The following DENND10 variants were observed in gnomAD, a reference collection of about 807,000 sequenced individuals.
DENND10 encodes the protein DENN domain containing 10.
DENND10 carries 24 observed loss-of-function variants against 43.6 expected under a neutral mutation model. The observed-to-expected ratio is 0.55, with a 90% CI of 0.40 to 0.77. The LOEUF is 0.77. Among genes scored for constraint, DENND10 ranks in the 30% least tolerant of loss-of-function variants. The pLI is 0.00. For synonymous variants in DENND10, 125 were observed against 157.6 expected, an observed-to-expected ratio of 0.79 and a Z score of 1.55; for missense variants, 303 against 429.9, an observed-to-expected ratio of 0.70 and a Z score of 2.61.
chr10:119,117,430 T>C (rs1845343756), intron 3 of DENND10, 89 bp from the exon 4 acceptor site: 24 of 1,403,712 alleles, frequency 1.7e-5, no homozygotes, highest in Non-Finnish European at 2.2e-5. Flanking sequence ...CTCGGATTCT[T>C]GAGAAGGCAC....
intron 8 of DENND10, chr10:119,133,655 G>A (rs1369570323): frequency 6.6e-6 from 1 of 152,318 alleles, no homozygotes; most frequent in Admixed American, 6.5e-5. Flanking sequence ...AGATCTCTAA[G>A]GAGGTGACAT....
In DENND10 at chr10:119,136,938, C is replaced by T. The variant is rs949180468; in HGVS notation, c.*291C>T. ...GTCCTGGGGTAAGAGAAAAAAAGCA[C>T]ATCACAACAAATGTGAAAGCCTTCA... On this transcript the variant is annotated 3_prime_UTR_variant, in exon 9 of 9. Transcript: ENST00000361432. 4 of 317,306 alleles carry T rather than the reference C, an allele frequency of 1.3e-5. No individual in the cohort carries two copies. The highest frequency in any genetic ancestry group is 6.3e-5 in the East Asian group (1 of 15,878). The allele number at this position is 317,306 out of a possible 1,614,324, so 19.7% of individuals were successfully genotyped here.
chr10:119,132,430 C>A lies in DENND10; in HGVS notation c.803-85C>A. ...ATCAGCTGCTTTTTGAAAATTCCCT[C>A]AGTGTGGTCTTCCAAGTTTTCAGAT... On this transcript the variant is annotated intron_variant, in intron 7 of 8. Transcript: ENST00000361432. This position sits in a 1 kb window ranked among gnomAD's most constrained non-coding sequence, Gnocchi z 4.2. The A allele has an allele frequency of 1.8e-6, 2 of 1,085,394 alleles. No homozygotes were observed. The highest frequency in any genetic ancestry group is 2.8e-6 in the Non-Finnish European group (2 of 703,278). The allele number at this position is 1,085,394 out of a possible 1,614,324, so 67.2% of individuals were successfully genotyped here. A position where few individuals can be genotyped will look rare whatever the true frequency, so the allele number is the denominator to read the frequency against.
intron 3 of DENND10, 46 bp downstream of exon 3, chr10:119,111,974 C>T (rs1165144636): frequency 7.3e-7 from 1 of 1,376,600 alleles, no homozygotes; most frequent in African/African-American, 1.4e-5. Flanking sequence ...AAATGAAGAC[C>T]TTAGTATAGT....
chr10:119,113,929 C>A (rs186742770), intron 3 of DENND10, among the ~76,000 whole-genome samples: 1 of 152,226 alleles, frequency 6.6e-6, no homozygotes, highest in Admixed American at 6.5e-5. Flanking sequence ...TATCCAGAAG[C>A]CATAAACTAA....
chr10:119,120,045 C>T (rs1213064023), intron 4 of DENND10, among the ~76,000 whole-genome samples: 1 of 151,948 alleles, frequency 6.6e-6, no homozygotes, highest in African/African-American at 2.4e-5. Flanking sequence ...GTCAGGAGTT[C>T]GAGATTAGCC....
At position 119,104,129 on chromosome 10, in the gene DENND10, C is replaced by CGCGGCGGCGGAAGATGGCT; in HGVS notation, c.-8_11dup. On this transcript the variant is annotated 5_prime_UTR_variant, in exon 1 of 9. The change creates a new upstream start codon in the 5' untranslated region. Coordinates refer to ENST00000361432, the MANE Select transcript of DENND10 (RefSeq NM_207009.4). ...GCAGGCGGCAGCCAGAGCTGCGCGC[C>CGCGGCGGCGGAAGATGGCT]GCGGCGGCGGAAGATGGCTGCGGCC... is the stretch of plus-strand genomic sequence containing the variant. 1 of 1,503,276 alleles carries CGCGGCGGCGGAAGATGGCT rather than the reference C, an allele frequency of 6.7e-7. No homozygotes were observed. The highest frequency in any genetic ancestry group is 8.9e-7 in the Non-Finnish European group (1 of 1,126,404). 93.1% of individuals were successfully genotyped at this position (1,503,276 alleles called of 1,614,324 possible). A position where few individuals can be genotyped will look rare whatever the true frequency, so the allele number is the denominator to read the frequency against.
rs577410228 is a variant in DENND10, at chr10:119,132,780, C to T, written c.897+171C>T. ...GTGATGATGGACAAGCAGGTGCAGG[C>T]TGGCCTGATCTAGTTAGTTACTGGG... On this transcript the variant is annotated intron_variant, in intron 8 of 8. Transcript: ENST00000361432. This position sits in a 1 kb window ranked among gnomAD's most constrained non-coding sequence, Gnocchi z 4.2. 103 of 629,042 alleles carry T rather than the reference C, an allele frequency of 1.6e-4. No homozygotes were observed. Among genetic ancestry groups the T allele is most frequent in the Middle Eastern group, 1.2e-3 (4 of 3,274 alleles). The allele number at this position is 629,042 out of a possible 1,614,324, so 39.0% of individuals were successfully genotyped here.
chr10:119,125,501 C>CTTTTTTTTTT (rs34630434), intron 6 of DENND10, among the ~76,000 whole-genome samples: 129 of 65,844 alleles, frequency 2.0e-3, no homozygotes, highest in Middle Eastern at 0.023. Context: ...TTCTAGTTTT[C>CTTTTTTTTTT]TTTTTTTTTT....
intron 2 of DENND10, among the ~76,000 whole-genome samples, chr10:119,110,132 T>C (rs1844907812): frequency 6.6e-6 from 1 of 152,118 alleles, no homozygotes; most frequent in African/African-American, 2.4e-5. Flanking sequence ...GGTTTCAATA[T>C]GTAATGAAAT....
chr10:119,117,839 C>T (rs940637664), intron 4 of DENND10, among the ~76,000 whole-genome samples, 172 bp downstream of exon 4: 4 of 152,164 alleles, frequency 2.6e-5, no homozygotes, highest in Non-Finnish European at 4.4e-5. Context: ...TGGTGGCACC[C>T]GCCTGTGATC....
chr10:119,132,566 A>G lies in DENND10; in HGVS notation c.854A>G (p.Gln285Arg). Reference protein sequence around the residue: ...LHKEMGQLIVQSAEDPEKSES... With the variant: ...LHKEMGQLIVRSAEDPEKSES... ...AAAGAAATGGGTCAGCTAATTGTTC[A>G]GTCTGCAGAAGATCCAGAGAAATCA... Residue 285 changes from glutamine (Q) to arginine (R), a missense_variant, in exon 8 of 9, where the codon CAG becomes CGG. Physicochemically the swap from Gln to Arg is conservative, Grantham distance 43. Coordinates refer to ENST00000361432, the MANE Select transcript of DENND10 (RefSeq NM_207009.4). This position sits in a 1 kb window ranked among gnomAD's most constrained non-coding sequence, Gnocchi z 4.2. 6.2e-7 allele frequency: 1 copy of G among 1,614,226 alleles called. No homozygotes were observed.
At chr10:119,104,298 C>A in intron 1 of DENND10, 101 bp downstream of exon 1, 1 of 1,168,222 alleles carries the variant, frequency 8.6e-7, no homozygotes, top group Non-Finnish European at 1.2e-6. Flanking sequence ...CCGGCGCCGA[C>A]CGCATGAGGA....
chr10:119,111,140 A>G (rs958834406), intron 2 of DENND10, among the ~76,000 whole-genome samples: 4 of 151,616 alleles, frequency 2.6e-5, no homozygotes, highest in Non-Finnish European at 5.9e-5. Context: ...TGTGCCTATA[A>G]TCCCAGCTAC....
intron 3 of DENND10, among the ~76,000 whole-genome samples, chr10:119,116,985 T>A (rs961095079): frequency 6.6e-6 from 1 of 152,094 alleles, no homozygotes; most frequent in Non-Finnish European, 1.5e-5. Context: ...CGGCTGCTTT[T>A]TCTTTGAAAT....
intron 2 of DENND10, among the ~76,000 whole-genome samples, chr10:119,108,494 A>G (rs1036446942): frequency 2.6e-4 from 17 of 64,360 alleles, no homozygotes; most frequent in Non-Finnish European, 6.5e-4. Context: ...AAAAAAAAAA[A>G]AAAAGAAAAG....
At chr10:119,116,665 CTTTTTTTTTT>C (rs71016543) in intron 3 of DENND10, among the ~76,000 whole-genome samples, 1 of 132,206 alleles carries the variant, frequency 7.6e-6, no homozygotes. Flanking sequence ...TTCTTTCTTT[CTTTTTTTTTT>C]TTTTTTTTTT....
At chr10:119,116,553 C>T (rs1398277420) in intron 3 of DENND10, among the ~76,000 whole-genome samples, 1 of 152,076 alleles carries the variant, frequency 6.6e-6, no homozygotes, top group African/African-American at 2.4e-5. Context: ...TCAGGAAGTT[C>T]GTACTTCATT....
chr10:119,132,728 CT>C lies in DENND10; in HGVS notation c.897+121del. ...TGTGGTAGAGGCCAGCGGGCAGGTG[CT>C]TAGAGAGGGTTTACAGACGGCCACA... On this transcript the variant is annotated intron_variant, in intron 8 of 8. Coordinates refer to ENST00000361432, the MANE Select transcript of DENND10 (RefSeq NM_207009.4). The surrounding 1 kb of genome is among the most constrained non-coding windows in gnomAD (Gnocchi z 4.2). 1 of 812,380 alleles carries C rather than the reference CT, an allele frequency of 1.2e-6. No individual in the cohort carries two copies. The highest frequency in any genetic ancestry group is 2.1e-6 in the Non-Finnish European group (1 of 468,704). The allele number at this position is 812,380 out of a possible 1,614,324, so 50.3% of individuals were successfully genotyped here. A position where few individuals can be genotyped will look rare whatever the true frequency, so the allele number is the denominator to read the frequency against.
Sources: gnomAD v4.1 joint callset for allele counts (sites outside exome capture counted in the v4.1 genomes callset) on GRCh38, gnomAD v4.1.1 for gene constraint, Gnocchi (gnomAD v3.1) non-coding constraint, MANE v1.5 for transcripts, NCBI Gene and HGNC (gene_info 2026-07-23, HGNC 2026-07-21) for gene names.